RAD54L2: variants seen among roughly 807,000 people sequenced by gnomAD.
RAD54L2 encodes helicase ARIP4.
In RAD54L2, 27 loss-of-function variants were observed where a neutral mutation model predicts 138.4. That is an observed-to-expected ratio of 0.20 (90% CI 0.14 to 0.27). The LOEUF is 0.27. Ranked by LOEUF, RAD54L2 falls within the 10% of genes least tolerant of loss-of-function variation. The pLI, the probability that RAD54L2 is intolerant of heterozygous loss-of-function variation, is 1.00. For synonymous variants in RAD54L2, 644 were observed against 723.2 expected (o/e 0.89, Z 1.76); for missense variants, 1,396 against 1,890.2 (o/e 0.74, Z 4.85).
At chr3:51,612,722 T>C (rs1381731402) in intron 3 of RAD54L2, among the ~76,000 whole-genome samples, 3 of 151,996 alleles carry the variant, frequency 2.0e-5, no homozygotes, top group African/African-American at 4.8e-5. Context: ...TGTAATTTTA[T>C]TGTAGTCAGT....
chr3:51,658,175 GCCCACCTGGGCCTCCCAA>G (rs1559657434), intron 21 of RAD54L2, among the ~76,000 whole-genome samples: 35 of 151,562 alleles, frequency 2.3e-4, no homozygotes, highest in African/African-American at 8.5e-4. Context: ...CTCATGATCC[GCCCACCTGGGCCTCCCAA>G]CGTGCCGGGA....
Position 51,637,154 on chromosome 3 carries a change from TC to T in RAD54L2, c.1340-4del, listed in dbSNP as rs1254126255. Reference sequence around the variant, plus strand: ...CCCTCTGACTCCGGATCCTCTTCCCTCCCTAGAGTTTGAGAAGGCTTTATGC... The same window carrying T: ...CCCTCTGACTCCGGATCCTCTTCCCTCCTAGAGTTTGAGAAGGCTTTATGC... On this transcript the variant is annotated splice_polypyrimidine_tract_variant and splice_region_variant and intron_variant, in intron 10 of 22. Transcript: ENST00000684192. The surrounding 1 kb of genome is among the most constrained non-coding windows in gnomAD (Gnocchi z 5.9). 1.3e-6 allele frequency: 2 copies of T among 1,570,724 alleles called. No homozygotes were observed. Among genetic ancestry groups the T allele is most frequent in the Admixed American group, 3.8e-5 (2 of 53,310 alleles).
intron 3 of RAD54L2, among the ~76,000 whole-genome samples, chr3:51,608,364 C>T (rs554539854): frequency 2.0e-5 from 3 of 151,868 alleles, no homozygotes; most frequent in East Asian, 2.0e-4. Context: ...GGCAGAGGGG[C>T]TCCTCACATC....
At chr3:51,593,962 A>G (rs944511892) in intron 3 of RAD54L2, among the ~76,000 whole-genome samples, 6 of 151,716 alleles carry the variant, frequency 4.0e-5, no homozygotes, top group Admixed American at 1.3e-4. Context: ...TTTTTTCTAT[A>G]TAAGCATTTA....
At chr3:51,635,843 C>A in intron 10 of RAD54L2, 54 bp downstream of exon 10, 1 of 1,486,476 alleles carries the variant, frequency 6.7e-7, no homozygotes, top group East Asian at 2.4e-5. Flanking sequence ...AAAAAGAAAT[C>A]ATGTCTACTA....
At chr3:51,631,531 A>T (rs1467649264) in intron 7 of RAD54L2, among the ~76,000 whole-genome samples, 1 of 129,268 alleles carries the variant, frequency 7.7e-6, no homozygotes, top group African/African-American at 3.0e-5. Flanking sequence ...TTTTGTAGAG[A>T]TGAGGTTTCG....
chr3:51,597,556 G>A (rs1320425281), intron 3 of RAD54L2, among the ~76,000 whole-genome samples: 2 of 152,006 alleles, frequency 1.3e-5, no homozygotes, highest in East Asian at 3.9e-4. Context: ...GGCTGGGCGC[G>A]GTGGCTCATG....
intron 16 of RAD54L2, among the ~76,000 whole-genome samples, chr3:51,644,656 C>G (rs1215645092): frequency 6.6e-6 from 1 of 152,160 alleles, no homozygotes; most frequent in Non-Finnish European, 1.5e-5. Flanking sequence ...ATCGTAATGC[C>G]CTTGGCAGGA....
At chr3:51,660,454 G>A (rs1479495212) in intron 22 of RAD54L2, among the ~76,000 whole-genome samples, 23 of 151,144 alleles carry the variant, frequency 1.5e-4, no homozygotes, top group Admixed American at 1.3e-3. Context: ...GACTACAGGC[G>A]CCCGCCACCA....
Position 51,663,477 on chromosome 3 carries a change from A to C in RAD54L2, c.*57A>C, listed in dbSNP as rs904145. 3 of 1,553,858 alleles carry C rather than the reference A, an allele frequency of 1.9e-6. No individual in the cohort carries two copies. The highest frequency in any genetic ancestry group is 1.2e-5 in the South Asian group (1 of 83,182). On this transcript the variant is annotated 3_prime_UTR_variant, in exon 23 of 23. Coordinates refer to ENST00000684192, the MANE Select transcript of RAD54L2 (RefSeq NM_015106.4). ...CCCCAGCAGGTTGCCCACCAAGCTG[A>C]AAGGCAGTGATTTAGACCTTTTGAG... is the stretch of plus-strand genomic sequence containing the variant.
intron 2 of RAD54L2, among the ~76,000 whole-genome samples, chr3:51,544,687 A>T (rs1698640235): frequency 6.6e-6 from 1 of 151,834 alleles, no homozygotes. Context: ...CACTGCCTCA[A>T]CCTCAACCTC....
intron 19 of RAD54L2, among the ~76,000 whole-genome samples, chr3:51,654,853 C>A (rs951039082): frequency 2.0e-5 from 3 of 152,132 alleles, no homozygotes; most frequent in African/African-American, 7.2e-5. Flanking sequence ...TTTTTTTAAT[C>A]CACATGGGTA....
intron 2 of RAD54L2, among the ~76,000 whole-genome samples, chr3:51,546,196 C>T (rs1465252469): frequency 6.6e-6 from 1 of 151,650 alleles, no homozygotes; most frequent in Non-Finnish European, 1.5e-5. Flanking sequence ...TCCTCAGCCT[C>T]CCAAAGTGCT....
At position 51,652,114 on chromosome 3, in the gene RAD54L2, A is replaced by G. The variant is rs549936283; in HGVS notation, c.3027-3857A>G. Among the ~76,000 whole-genome samples, 8 of 152,356 alleles carry G rather than the reference A, an allele frequency of 5.3e-5. No individual in the cohort carries two copies. The East Asian group carries it at 5.8e-4, about 11-fold the overall frequency. On this transcript the variant is annotated intron_variant, in intron 19 of 22. Transcript: ENST00000684192. ...TCTCAGGGTACAATATCAGTGTGCA[A>G]AAATCACAAGCATTCCTATACACCA...
At chr3:51,590,289 C>G (rs1428061285) in intron 2 of RAD54L2, 78 bp from the exon 3 acceptor site, 9 of 1,114,276 alleles carry the variant, frequency 8.1e-6, no homozygotes, top group Non-Finnish European at 1.1e-5. Flanking sequence ...CTGTGCCCAG[C>G]TAGCATTTTT....
At chr3:51,618,966 T>G (rs1294204958) in intron 3 of RAD54L2, among the ~76,000 whole-genome samples, 1 of 152,182 alleles carries the variant, frequency 6.6e-6, no homozygotes, top group Admixed American at 6.5e-5. Flanking sequence ...CTAAGCTCTG[T>G]TTAATGGAGA....
In RAD54L2 at chr3:51,627,813, A is replaced by G. The variant is rs1345767088; in HGVS notation, c.341+59A>G. 2.5e-6 allele frequency: 4 copies of G among 1,573,014 alleles called. No individual in the cohort carries two copies. The African/African-American group carries it at 5.4e-5, about 21-fold the overall frequency. Reference sequence around the variant, plus strand: ...GGAATAGAGATTTTACCTTCATCTTAAGGCTGTCAATAGCAAAAAGACTGA... The same window carrying G: ...GGAATAGAGATTTTACCTTCATCTTGAGGCTGTCAATAGCAAAAAGACTGA... On this transcript the variant is annotated intron_variant, in intron 4 of 22. Coordinates refer to ENST00000684192, the MANE Select transcript of RAD54L2 (RefSeq NM_015106.4).
At chr3:51,656,504 C>T (rs1701604490) in intron 20 of RAD54L2, among the ~76,000 whole-genome samples, 1 of 152,194 alleles carries the variant, frequency 6.6e-6, no homozygotes. Flanking sequence ...TGATTGTAGA[C>T]CCATCTGGGT....
intron 8 of RAD54L2, 34 bp downstream of exon 8, chr3:51,633,793 C>T: frequency 1.9e-6 from 3 of 1,611,948 alleles, no homozygotes; most frequent in Non-Finnish European, 2.5e-6. Flanking sequence ...ACTTAAGTCA[C>T]TCCTGAAGAG....
Sources: allele counts gnomAD v4.1 joint callset (sites outside exome capture counted in the v4.1 genomes callset), GRCh38; gene constraint gnomAD v4.1.1; non-coding constraint Gnocchi (gnomAD v3.1); transcripts MANE v1.5; gene names NCBI Gene and HGNC (gene_info 2026-07-23, HGNC 2026-07-21).